Variants in BABAM2 observed in about 807,000 individuals in gnomAD.
The protein encoded by BABAM2 is BRISC and BRCA1 A complex member 2.
A neutral mutation model predicts 54.7 loss-of-function variants in BABAM2; 31 were observed. The observed-to-expected ratio is 0.57, with a 90% CI of 0.43 to 0.77. The LOEUF (loss-of-function observed/expected upper bound fraction) is 0.77, where lower values mean the gene tolerates loss of function less well. Among genes scored for constraint, BABAM2 ranks in the 30% least tolerant of loss-of-function variants. The pLI is 0.00. For synonymous variants in BABAM2, 167 were observed against 162.9 expected (o/e 1.03, Z -0.19); for missense variants, 364 against 455.8 (o/e 0.80, Z 1.83).
At chr2:28,171,288 G>A (rs1267059890) in intron 7 of BABAM2, among the ~76,000 whole-genome samples, 2 of 152,140 alleles carry the variant, frequency 1.3e-5, no homozygotes, top group African/African-American at 4.8e-5. Context: ...TCTAATAGTC[G>A]TGTCTGTCAA....
intron 3 of BABAM2, among the ~76,000 whole-genome samples, chr2:27,945,846 T>C (rs1669260914): frequency 6.6e-6 from 1 of 151,692 alleles, no homozygotes; most frequent in African/African-American, 2.4e-5. Context: ...TGAAATGTAA[T>C]TGATTTTGGT....
intron 10 of BABAM2, among the ~76,000 whole-genome samples, chr2:28,261,708 G>A (rs1684553107): frequency 6.6e-6 from 1 of 151,838 alleles, no homozygotes. Flanking sequence ...CCTTTCCAGT[G>A]TGAGTTTTGT....
chr2:28,307,075 C>T (rs1410017862), intron 11 of BABAM2, among the ~76,000 whole-genome samples: 5 of 129,412 alleles, frequency 3.9e-5, no homozygotes, highest in South Asian at 2.6e-4. Flanking sequence ...GGCGTGATCT[C>T]GGCTCACTGC....
At chr2:28,328,301 A>G (rs1019055785) in intron 11 of BABAM2, among the ~76,000 whole-genome samples, 5 of 152,218 alleles carry the variant, frequency 3.3e-5, no homozygotes, top group Admixed American at 1.3e-4. Flanking sequence ...TCAGACCACA[A>G]TCGGTTTTCA....
intron 2 of BABAM2, among the ~76,000 whole-genome samples, chr2:27,897,771 T>C (rs899329788): frequency 6.6e-6 from 1 of 152,170 alleles, no homozygotes; most frequent in Non-Finnish European, 1.5e-5. Flanking sequence ...AGACTGTATA[T>C]AGGATTCATT....
intron 11 of BABAM2, among the ~76,000 whole-genome samples, chr2:28,319,144 A>G (rs1223757491): frequency 6.6e-6 from 1 of 152,252 alleles, no homozygotes; most frequent in Non-Finnish European, 1.5e-5. Context: ...GTTCTAATTT[A>G]TAGAATTGCG....
intron 6 of BABAM2, among the ~76,000 whole-genome samples, chr2:28,047,237 T>C (rs1677651682): frequency 6.6e-6 from 1 of 152,158 alleles, no homozygotes; most frequent in South Asian, 2.1e-4. Flanking sequence ...ATATATTAGA[T>C]TTGTGATAAC....
rs879539698 is a variant in BABAM2 at position 28,313,214 on chromosome 2, A to AGG, written c.1088+14724_1088+14725insGG. Among the ~76,000 whole-genome samples the AGG allele has an allele frequency of 5.7e-3, 865 of 152,350 alleles. 8 individuals are homozygous for AGG. Among genetic ancestry groups the AGG allele is most frequent in the African/African-American group, 0.019 (810 of 41,586 alleles). On this transcript the variant is annotated intron_variant, in intron 11 of 11. Coordinates refer to ENST00000379624, the MANE Select transcript of BABAM2 (RefSeq NM_199191.3). The stretch of plus-strand genomic sequence containing the variant: ...AACCCTGCTGAGAGTCTAAAAACCA[A>AGG]GTACTTTTAAGAGAAGGTAACATGC...
At chr2:28,178,781 C>G (rs1675299105) in intron 7 of BABAM2, among the ~76,000 whole-genome samples, 1 of 150,172 alleles carries the variant, frequency 6.7e-6, no homozygotes, top group South Asian at 2.1e-4. Flanking sequence ...CCCAAATAAA[C>G]AAAATCAGAA....
At chr2:28,199,616 C>T (rs545294165) in intron 7 of BABAM2, among the ~76,000 whole-genome samples, 1 of 152,194 alleles carries the variant, frequency 6.6e-6, no homozygotes, top group African/African-American at 2.4e-5. Flanking sequence ...CACTAGTGTC[C>T]TAAGCTAAGG....
intron 6 of BABAM2, among the ~76,000 whole-genome samples, chr2:28,084,041 A>T (rs138053029): frequency 1.6e-4 from 24 of 152,260 alleles, no homozygotes; most frequent in African/African-American, 5.8e-4. Flanking sequence ...CTCTCTTGTG[A>T]TGCACAGCAG....
chr2:28,044,890 C>T (rs559057540), intron 5 of BABAM2, among the ~76,000 whole-genome samples: 13 of 151,954 alleles, frequency 8.6e-5, no homozygotes, highest in South Asian at 2.1e-4. Flanking sequence ...CCGAGGATTC[C>T]ACCAGGTCAG....
chr2:28,294,492 G>A (rs1473957568), intron 10 of BABAM2, among the ~76,000 whole-genome samples: 1 of 152,102 alleles, frequency 6.6e-6, no homozygotes, highest in East Asian at 1.9e-4. Flanking sequence ...GAGCAAGTTA[G>A]CTGTTGGAAG....
chr2:28,026,049 T>C (rs969685574), intron 5 of BABAM2, among the ~76,000 whole-genome samples: 1 of 151,650 alleles, frequency 6.6e-6, no homozygotes, highest in Non-Finnish European at 1.5e-5. Context: ...CTCACACCAG[T>C]TAGAATGGCC....
rs141495247 is a variant in BABAM2 at position 28,061,188 on chromosome 2, G to A, written c.570+15389G>A. 6.5e-3 allele frequency among the ~76,000 whole-genome samples: 985 copies of A among 152,208 alleles called. 7 individuals carry two copies. The highest frequency in any genetic ancestry group is 8.0e-3 in the Non-Finnish European group (544 of 68,022). On this transcript the variant is annotated intron_variant, in intron 6 of 11. Coordinates refer to ENST00000379624, the MANE Select transcript of BABAM2 (RefSeq NM_199191.3). ...TATTCAGAAATAGATCCACACATAC[G>A]TGGACAATTGATTTTTGACCCAGGT...
intron 4 of BABAM2, among the ~76,000 whole-genome samples, chr2:28,008,134 G>A (rs1674106949): frequency 6.6e-6 from 1 of 152,138 alleles, no homozygotes; most frequent in Admixed American, 6.6e-5. Context: ...GAAAGACAGT[G>A]ATATGAAGTA....
At chr2:28,177,112 T>G (rs1169435382) in intron 7 of BABAM2, among the ~76,000 whole-genome samples, 1 of 151,866 alleles carries the variant, frequency 6.6e-6, no homozygotes, top group Non-Finnish European at 1.5e-5. Flanking sequence ...CACGTGATAG[T>G]CAAACTATCA....
chr2:27,918,654 C>G (rs1449230892), intron 2 of BABAM2, among the ~76,000 whole-genome samples: 1 of 152,100 alleles, frequency 6.6e-6, no homozygotes, highest in Admixed American at 6.6e-5. Flanking sequence ...TTAGAATCTG[C>G]CTTTCAGATT....
intron 10 of BABAM2, among the ~76,000 whole-genome samples, chr2:28,247,006 T>C (rs1048429678): frequency 1.3e-5 from 2 of 152,256 alleles, no homozygotes; most frequent in Non-Finnish European, 2.9e-5. Context: ...CTATCTTAGC[T>C]TTTCCAAATC....
Sources: allele counts gnomAD v4.1 joint callset (sites outside exome capture counted in the v4.1 genomes callset), GRCh38; gene constraint gnomAD v4.1.1; transcripts MANE v1.5; gene names NCBI Gene and HGNC (gene_info 2026-07-23, HGNC 2026-07-21).